The following SPAG16 variants were observed in gnomAD, a reference collection of about 807,000 sequenced individuals.
SPAG16 encodes the protein sperm-associated antigen 16 protein.
A neutral mutation model predicts 80.4 loss-of-function variants in SPAG16; 86 were observed. The observed-to-expected ratio is 1.07, with a 90% CI of 0.90 to 1.28. The LOEUF (loss-of-function observed/expected upper bound fraction) is 1.28, where lower values mean the gene tolerates loss of function less well. Ranked by LOEUF, SPAG16 falls within the 50% of genes most tolerant of loss-of-function variation. The pLI is 0.00. For missense variants in SPAG16, 870 were observed against 765.3 expected, an observed-to-expected ratio of 1.14 and a Z score of -1.61; for synonymous variants, 294 against 265.9, an observed-to-expected ratio of 1.11 and a Z score of -1.03.
At chr2:213,849,737 C>G (rs375050430) in intron 10 of SPAG16, among the ~76,000 whole-genome samples, 1 of 151,980 alleles carries the variant, frequency 6.6e-6, no homozygotes, top group African/African-American at 2.4e-5. Flanking sequence ...TGTTAAAGTC[C>G]TTACCATAAG....
At chr2:213,407,898 AG>A (rs1444231053) in intron 9 of SPAG16, among the ~76,000 whole-genome samples, 2 of 72,110 alleles carry the variant, frequency 2.8e-5, no homozygotes, top group African/African-American at 7.6e-5. Context: ...AGAGAGAGAC[AG>A]GAGAGAGGCA....
At chr2:213,899,196 G>T (rs1025740551) in intron 11 of SPAG16, among the ~76,000 whole-genome samples, 20 of 152,060 alleles carry the variant, frequency 1.3e-4, no homozygotes, top group Non-Finnish European at 2.4e-4. Flanking sequence ...AGTGGAAATG[G>T]CCTGAAGAAT....
At chr2:213,401,433 A>G (rs924250128) in intron 9 of SPAG16, among the ~76,000 whole-genome samples, 2 of 152,298 alleles carry the variant, frequency 1.3e-5, no homozygotes, top group Non-Finnish European at 1.5e-5. Context: ...AATTCTGTTC[A>G]TATCTTATTG....
At chr2:213,420,113 A>T (rs980283288) in intron 9 of SPAG16, among the ~76,000 whole-genome samples, 1 of 152,226 alleles carries the variant, frequency 6.6e-6, no homozygotes, top group African/African-American at 2.4e-5. Context: ...ACTGTATCTC[A>T]GTTGCAATGT....
chr2:214,229,209 G>A (rs923855073), intron 15 of SPAG16, among the ~76,000 whole-genome samples: 1 of 151,182 alleles, frequency 6.6e-6, no homozygotes, highest in Admixed American at 6.6e-5. Context: ...GGATGTAAAG[G>A]TCACTACGAT....
chr2:213,876,290 T>C (rs544569319), intron 11 of SPAG16, among the ~76,000 whole-genome samples: 8 of 132,070 alleles, frequency 6.1e-5, no homozygotes, highest in South Asian at 4.9e-4. Context: ...ATCTGACTAG[T>C]ATTAACTTTG....
chr2:213,751,932 C>G (rs2068094341), intron 10 of SPAG16, among the ~76,000 whole-genome samples: 1 of 152,016 alleles, frequency 6.6e-6, no homozygotes, highest in Non-Finnish European at 1.5e-5. Flanking sequence ...AGAGAGACCA[C>G]AAAACCAAAT....
chr2:213,849,896 G>T (rs2074816646), intron 10 of SPAG16, among the ~76,000 whole-genome samples: 2 of 152,064 alleles, frequency 1.3e-5, no homozygotes, highest in African/African-American at 4.8e-5. Context: ...TATTGAAATG[G>T]GTTTCTTTAG....
chr2:213,988,176 A>G (rs2046110568), intron 12 of SPAG16, among the ~76,000 whole-genome samples: 1 of 152,076 alleles, frequency 6.6e-6, no homozygotes, highest in Non-Finnish European at 1.5e-5. Context: ...AATGCATGCT[A>G]TGAGCACTTG....
intron 1 of SPAG16, among the ~76,000 whole-genome samples, chr2:213,286,238 G>A (rs1300413370): frequency 2.0e-5 from 3 of 152,154 alleles, no homozygotes; most frequent in East Asian, 1.9e-4. Flanking sequence ...TAACCGTTGT[G>A]TGAATTATCC....
At chr2:213,416,319 G>T (rs922992243) in intron 9 of SPAG16, among the ~76,000 whole-genome samples, 2 of 152,218 alleles carry the variant, frequency 1.3e-5, no homozygotes, top group Non-Finnish European at 2.9e-5. Context: ...CAGGCACTCA[G>T]AATGTATCAG....
At chr2:213,514,254 G>A (rs1246669114) in intron 10 of SPAG16, among the ~76,000 whole-genome samples, 1 of 152,078 alleles carries the variant, frequency 6.6e-6, no homozygotes, top group African/African-American at 2.4e-5. Context: ...CTGAGGAAAT[G>A]GGCCCTTGGT....
intron 12 of SPAG16, among the ~76,000 whole-genome samples, chr2:213,986,260 C>T (rs553245638): frequency 4.6e-5 from 7 of 152,104 alleles, no homozygotes; most frequent in African/African-American, 1.4e-4. Flanking sequence ...ATTATGAACT[C>T]TAGAGGAGAA....
At chr2:214,359,649 G>A (rs891632220) in intron 15 of SPAG16, among the ~76,000 whole-genome samples, 4 of 151,664 alleles carry the variant, frequency 2.6e-5, no homozygotes, top group South Asian at 2.1e-4. Flanking sequence ...AATATCAAAG[G>A]AACATAAAGT....
chr2:214,310,674 G>GTCAGGA (rs953045690), intron 15 of SPAG16, among the ~76,000 whole-genome samples: 26 of 152,134 alleles, frequency 1.7e-4, no homozygotes, highest in African/African-American at 6.0e-4. Flanking sequence ...ATCCTGGGAA[G>GTCAGGA]TCAGGAATAT....
intron 15 of SPAG16, among the ~76,000 whole-genome samples, chr2:214,317,463 C>T (rs1350531023): frequency 6.6e-6 from 1 of 152,170 alleles, no homozygotes; most frequent in Non-Finnish European, 1.5e-5. Context: ...AGAGAGATGC[C>T]TGTCAGTCAC....
intron 15 of SPAG16, among the ~76,000 whole-genome samples, chr2:214,376,404 G>A (rs1167647603): frequency 2.0e-5 from 3 of 151,934 alleles, no homozygotes; most frequent in Admixed American, 6.6e-5. Flanking sequence ...AATATACTGT[G>A]CAAAATCATT....
intron 12 of SPAG16, among the ~76,000 whole-genome samples, chr2:214,008,160 G>C (rs1400762942): frequency 6.6e-6 from 1 of 151,418 alleles, no homozygotes; most frequent in Non-Finnish European, 1.5e-5. Flanking sequence ...CTGATATTTT[G>C]CTCACCCAGC....
intron 11 of SPAG16, among the ~76,000 whole-genome samples, chr2:213,884,797 T>G (rs2076489916): frequency 6.6e-6 from 1 of 152,194 alleles, no homozygotes; most frequent in African/African-American, 2.4e-5. Context: ...GTACTTCCAA[T>G]TGTATTATGA....
Sources: allele counts gnomAD v4.1 joint callset (sites outside exome capture counted in the v4.1 genomes callset), GRCh38; gene constraint gnomAD v4.1.1; transcripts MANE v1.5; gene names NCBI Gene and HGNC (gene_info 2026-07-23, HGNC 2026-07-21).